The following DHRS11 variants were observed in gnomAD, a reference collection of about 807,000 sequenced individuals.
The protein encoded by DHRS11 is dehydrogenase/reductase 11.
In DHRS11, 18 loss-of-function variants were observed where a neutral mutation model predicts 30.7. The ratio of observed to expected loss-of-function variants is 0.59; its 90% CI spans 0.41 to 0.87. DHRS11 has a LOEUF of 0.87. Among genes scored for constraint, DHRS11 ranks in the 40% least tolerant of loss-of-function variants. DHRS11 has a pLI of 0.00. For missense variants in DHRS11, 300 were observed against 349.0 expected, an observed-to-expected ratio of 0.86 and a Z score of 1.12; for synonymous variants, 123 against 139.6, an observed-to-expected ratio of 0.88 and a Z score of 0.84.
chr17:36,592,059 C>CGGGGGCCTCG lies in DHRS11; in HGVS notation c.57_66dup (p.Ile23LeufsTer35). On this transcript the variant is annotated frameshift_variant, in exon 1 of 7. Transcript: ENST00000618403. LOFTEE classifies it high-confidence loss of function. This position sits in a 1 kb window ranked among gnomAD's most constrained non-coding sequence, Gnocchi z 4.4. ...TGGCGCGACCGGCTGGCGCTGGTGA[C>CGGGGGCCTCG]GGGGGCCTCGGGGGGCATCGGCGCG... 1 of 1,236,082 alleles carries CGGGGGCCTCG rather than the reference C, an allele frequency of 8.1e-7. No individual in the cohort carries two copies. The highest frequency in any genetic ancestry group is 3.1e-5 in the East Asian group (1 of 31,820). The allele number at this position is 1,236,082 out of a possible 1,614,324, so 76.6% of individuals were successfully genotyped here. A position where few individuals can be genotyped will look rare whatever the true frequency, so the allele number is the denominator to read the frequency against.
intron 3 of DHRS11, 99 bp downstream of exon 3, chr17:36,598,356 A>G (rs921233384): frequency 9.1e-7 from 1 of 1,098,058 alleles, no homozygotes; most frequent in Non-Finnish European, 1.4e-6. Context: ...TTGGTGGGAA[A>G]ATACAGATTT....
rs1338293578 is a variant in DHRS11 at position 36,598,942 on chromosome 17, AC to A, written c.478del (p.Leu160CysfsTer3). The A allele has an allele frequency of 6.2e-7, 1 of 1,612,682 alleles. No homozygotes were observed. The highest frequency in any genetic ancestry group is 8.5e-7 in the Non-Finnish European group (1 of 1,179,722). On this transcript the variant is annotated frameshift_variant, in exon 4 of 7. Transcript: ENST00000618403. LOFTEE classifies it high-confidence loss of function. ...INSMSGHRVL[P>X]LSVTHFYSAT... ...CCAGCATGTCTGGCCACCGAGTGTT[AC>A]CCCTGTCTGTGACCCACTTCTATAG...
chr17:36,594,601 A>G, intron 1 of DHRS11: 1 of 312,046 alleles, frequency 3.2e-6, no homozygotes, highest in East Asian at 6.3e-5. Flanking sequence ...TTCAGTAGAG[A>G]TAGGGTTCCA....
Position 36,595,158 on chromosome 17 carries a change from G to C in DHRS11, c.335G>C (p.Ser112Thr). The C allele has an allele frequency of 6.2e-7, 1 of 1,613,788 alleles. No homozygotes were observed. The highest frequency in any genetic ancestry group is 8.5e-7 in the Non-Finnish European group (1 of 1,180,042). The change falls in exon 2 of 7, where the codon AGT becomes ACT. Residue 112 changes from serine (S) to threonine (T), a missense_variant. Transcript: ENST00000618403. ...GACACCCTGCTCTCAGGCAGCACCA[G>C]TGGTTGGAAGGACATGTTCAATGTA... ...RPDTLLSGST[S>T]GWKDMFNVNV...
rs1412180113 is a variant in DHRS11 at position 36,600,261 on chromosome 17, G to A, written c.*58G>A. On this transcript the variant is annotated 3_prime_UTR_variant, in exon 7 of 7. Transcript: ENST00000618403. ...CTTCATGGCTTGCCTCCTGCCTCTGGATTTTAGGTGTTGATTTCTGGATCA... is the reference window on the plus strand; with the variant it reads ...CTTCATGGCTTGCCTCCTGCCTCTGAATTTTAGGTGTTGATTTCTGGATCA... 2 of 1,604,732 alleles carry A rather than the reference G, an allele frequency of 1.2e-6. No homozygotes were observed. The highest frequency in any genetic ancestry group is 1.3e-5 in the African/African-American group (1 of 74,744).
At chr17:36,599,275 AG>A in intron 4 of DHRS11, 1 of 723,784 alleles carries the variant, frequency 1.4e-6, no homozygotes, top group Non-Finnish European at 2.1e-6. Flanking sequence ...TTGAGCTGGG[AG>A]GGGGCTGACC....
intron 1 of DHRS11, chr17:36,594,763 C>G (rs1461796296): frequency 1.7e-6 from 1 of 605,764 alleles, no homozygotes. Context: ...AGCCTTTTCC[C>G]TTCATCACTC....
intron 2 of DHRS11, chr17:36,596,729 TG>T (rs769778693): frequency 1.3e-5 from 6 of 469,386 alleles, no homozygotes; most frequent in South Asian, 4.7e-5. Context: ...GATGGTATGA[TG>T]GGGTGATAGT....
Position 36,592,207 on chromosome 17 carries a change from G to A in DHRS11, c.147+51G>A. 8.0e-7 allele frequency: 1 copy of A among 1,242,292 alleles called. No individual in the cohort carries two copies. The allele number at this position is 1,242,292 out of a possible 1,614,324, so 77.0% of individuals were successfully genotyped here. On this transcript the variant is annotated intron_variant, in intron 1 of 6. Coordinates refer to ENST00000618403, the MANE Select transcript of DHRS11 (RefSeq NM_024308.4). This position sits in a 1 kb window ranked among gnomAD's most constrained non-coding sequence, Gnocchi z 4.4. ...GTCGCGGGCGGGTCGTTTCCCCGGA[G>A]TCGGGTTCACCTGCCCGCCACGCCG...
At chr17:36,599,365 C>G in intron 4 of DHRS11, 3 of 555,342 alleles carry the variant, frequency 5.4e-6, no homozygotes, top group Non-Finnish European at 9.5e-6. Flanking sequence ...TCTTGAAGGC[C>G]GCATGATCGT....
chr17:36,593,661 T>G (rs2074786047), intron 1 of DHRS11, among the ~76,000 whole-genome samples: 1 of 152,216 alleles, frequency 6.6e-6, no homozygotes. Flanking sequence ...CTCAGAGGAC[T>G]ATACCTTTTG....
At chr17:36,600,099 C>A in intron 6 of DHRS11, 62 bp downstream of exon 6, 1 of 1,613,910 alleles carries the variant, frequency 6.2e-7, no homozygotes, top group Non-Finnish European at 8.5e-7. Context: ...AGGAGGGGAG[C>A]AGGGAGCCCT....
At position 36,600,461 on chromosome 17, in the gene DHRS11, C is replaced by A; in HGVS notation, c.*258C>A. 1 of 587,402 alleles carries A rather than the reference C, an allele frequency of 1.7e-6. No homozygotes were observed. Among genetic ancestry groups the A allele is most frequent in the Non-Finnish European group, 3.0e-6 (1 of 330,942 alleles). The allele number at this position is 587,402 out of a possible 1,614,324, so 36.4% of individuals were successfully genotyped here. On this transcript the variant is annotated 3_prime_UTR_variant, in exon 7 of 7. Coordinates refer to ENST00000618403, the MANE Select transcript of DHRS11 (RefSeq NM_024308.4). ...TGTTCTTGTGCCCCTGGGCACTTGG[C>A]CTTTGTCTGCTCTCAGTGTCTTCCC...
Position 36,600,317 on chromosome 17 carries a change from C to A in DHRS11, c.*114C>A. ...TACCACTTCCTGTCCACACCCCGACCAGGGGCTAGAAAATTTGTTTGAGAT... is the reference window on the plus strand; with the variant it reads ...TACCACTTCCTGTCCACACCCCGACAAGGGGCTAGAAAATTTGTTTGAGAT... On this transcript the variant is annotated 3_prime_UTR_variant, in exon 7 of 7. Transcript: ENST00000618403. The A allele has an allele frequency of 1.6e-6, 2 of 1,248,300 alleles. No individual in the cohort carries two copies. Among genetic ancestry groups the A allele is most frequent in the Non-Finnish European group, 2.3e-6 (2 of 884,770 alleles). 77.3% of individuals were successfully genotyped at this position (1,248,300 alleles called of 1,614,324 possible).
chr17:36,599,504 A>G (rs190044292), intron 4 of DHRS11, 167 bp from the exon 5 acceptor site: 1 of 645,148 alleles, frequency 1.6e-6, no homozygotes, highest in Non-Finnish European at 2.8e-6. Flanking sequence ...GATGGTAGGT[A>G]TCATTGTGGT....
At position 36,592,362 on chromosome 17, in the gene DHRS11, C is replaced by G. The variant is rs913913225; in HGVS notation, c.147+206C>G. Among the ~76,000 whole-genome samples the G allele has an allele frequency of 1.1e-4, 16 of 152,350 alleles. No homozygotes were observed. The highest frequency in any genetic ancestry group is 3.8e-4 in the African/African-American group (16 of 41,586). On this transcript the variant is annotated intron_variant, in intron 1 of 6. Transcript: ENST00000618403. This position sits in a 1 kb window ranked among gnomAD's most constrained non-coding sequence, Gnocchi z 4.4. ...TGCTCGAGTTACCGAATCTCCGACC[C>G]CGGCATCTCCCCACCCGCCCCTCGG...
Position 36,595,164 on chromosome 17 carries a change from G to C in DHRS11, c.341G>C (p.Trp114Ser). 1 of 1,613,650 alleles carries C rather than the reference G, an allele frequency of 6.2e-7. No homozygotes were observed. Among genetic ancestry groups the C allele is most frequent in the Non-Finnish European group, 8.5e-7 (1 of 1,180,032 alleles). ...CTGCTCTCAGGCAGCACCAGTGGTT[G>C]GAAGGACATGTTCAATGTAAGAGCT... is the stretch of plus-strand genomic sequence containing the variant. ...DTLLSGSTSGWKDMFNVNVLA... is the reference protein window; with the variant it reads ...DTLLSGSTSGSKDMFNVNVLA... The change falls in exon 2 of 7, where the codon TGG becomes TCG. Residue 114 changes from tryptophan to serine, a missense_variant. Physicochemically the swap from Trp to Ser is radical, Grantham distance 177. Coordinates refer to ENST00000618403, the MANE Select transcript of DHRS11 (RefSeq NM_024308.4).
At chr17:36,598,742 C>A in intron 3 of DHRS11, 179 bp from the exon 4 acceptor site, 1 of 734,742 alleles carries the variant, frequency 1.4e-6, no homozygotes, top group Non-Finnish European at 2.1e-6. Context: ...GGAGGGTTTT[C>A]CAAAGCTGTT....
At chr17:36,597,741 T>C (rs982848685) in intron 2 of DHRS11, 5 of 267,886 alleles carry the variant, frequency 1.9e-5, no homozygotes, top group African/African-American at 1.2e-4. Context: ...TTTGAGCAGT[T>C]TAGGAGGGAG....
Sources: gnomAD v4.1 joint callset for allele counts (sites outside exome capture counted in the v4.1 genomes callset) on GRCh38, gnomAD v4.1.1 for gene constraint, Gnocchi (gnomAD v3.1) non-coding constraint, MANE v1.5 for transcripts, NCBI Gene and HGNC (gene_info 2026-07-23, HGNC 2026-07-21) for gene names.